Variants in MDH2 observed in about 807,000 individuals in gnomAD.
The protein encoded by MDH2 is malate dehydrogenase, mitochondrial.
In MDH2, 25 loss-of-function variants were observed where a neutral mutation model predicts 33.6. The observed-to-expected ratio is 0.74, with a 90% CI of 0.54 to 1.04. The LOEUF (loss-of-function observed/expected upper bound fraction) is 1.04, where lower values mean the gene tolerates loss of function less well. Ranked by LOEUF, MDH2 falls within the 50% of genes least tolerant of loss-of-function variation. The pLI is 0.00. For missense variants in MDH2, 432 were observed against 445.0 expected (o/e 0.97, Z 0.26); for synonymous variants, 193 against 188.7 (o/e 1.02, Z -0.19).
Position 76,058,034 on chromosome 7 carries a change from G to C in MDH2, c.385G>C (p.Ala129Pro). The C allele has an allele frequency of 6.2e-7, 1 of 1,613,824 alleles. No individual in the cohort carries two copies. Among genetic ancestry groups the C allele is most frequent in the South Asian group, 1.1e-5 (1 of 91,086 alleles). The change falls in exon 4 of 9, where the codon GCC becomes CCC. Residue 129 changes from alanine (A) to proline (P), a missense_variant. Ala to Pro is a conservative substitution (Grantham distance 27, BLOSUM62 -1). Transcript: ENST00000315758. ...TIVATLTAAC[A>P]QHCPEAMICV... ...TGTGGCCACCCTGACCGCTGCCTGTGCCCAGCACTGCCCGGAAGCCATGAT... is the reference window on the plus strand; with the variant it reads ...TGTGGCCACCCTGACCGCTGCCTGTCCCCAGCACTGCCCGGAAGCCATGAT...
chr7:76,050,755 A>G (rs782671962), intron 1 of MDH2, among the ~76,000 whole-genome samples: 53 of 152,180 alleles, frequency 3.5e-4, no homozygotes, highest in African/African-American at 1.3e-3. Context: ...TGGTACCAGA[A>G]GGATTTGCTG....
intron 5 of MDH2, 79 bp from the exon 6 acceptor site, chr7:76,063,436 T>C (rs1798006477): frequency 7.1e-7 from 1 of 1,411,514 alleles, no homozygotes; most frequent in African/African-American, 1.4e-5. Context: ...TTTTCCAGTG[T>C]TGGGGCTGTG....
chr7:76,064,437 A>C lies in MDH2; in HGVS notation c.732A>C (p.Ala244=), dbSNP rs781921799. 1 of 1,611,702 alleles carries C rather than the reference A, an allele frequency of 6.2e-7. No homozygotes were observed. The highest frequency in any genetic ancestry group is 2.2e-5 in the East Asian group (1 of 44,792). Residue 244 remains alanine (A), a splice_region_variant and synonymous_variant, in exon 7 of 9, where the codon GCA becomes GCC. Transcript: ENST00000315758. ...AGGTGGTCAAGGCTAAAGCCGGAGCAGGTAGAGTCTCAGGCAGCCCCGGGG... is the reference window on the plus strand; with the variant it reads ...AGGTGGTCAAGGCTAAAGCCGGAGCCGGTAGAGTCTCAGGCAGCCCCGGGG... ...GTEVVKAKAG[A]GSATLSMAYA... is the part of the protein sequence containing the mutation.
chr7:76,052,028 C>G (rs1360917877), intron 1 of MDH2, among the ~76,000 whole-genome samples: 1 of 152,136 alleles, frequency 6.6e-6, no homozygotes, highest in African/African-American at 2.4e-5. Context: ...GTGACATCAC[C>G]TTGACAAAGT....
chr7:76,058,068 T>C lies in MDH2; in HGVS notation c.419T>C (p.Ile140Thr), dbSNP rs1797837952. The stretch of plus-strand genomic sequence containing the variant: ...TGCCCGGAAGCCATGATCTGCGTCA[T>C]TGCCAATCCGGTGAGTGTGGCAGCA... ...QHCPEAMICVIANPVNSTIPI... is the reference protein window; with the variant it reads ...QHCPEAMICVTANPVNSTIPI... The change falls in exon 4 of 9, where the codon ATT becomes ACT. Residue 140 changes from isoleucine (I) to threonine (T), a missense_variant. Coordinates refer to ENST00000315758, the MANE Select transcript of MDH2 (RefSeq NM_005918.4). 2 of 1,612,850 alleles carry C rather than the reference T, an allele frequency of 1.2e-6. No homozygotes were observed. The highest frequency in any genetic ancestry group is 1.6e-4 in the Middle Eastern group (1 of 6,082).
intron 1 of MDH2, among the ~76,000 whole-genome samples, chr7:76,050,326 A>G (rs1797582682): frequency 6.6e-6 from 1 of 152,244 alleles, no homozygotes; most frequent in African/African-American, 2.4e-5. Context: ...CACCACTCCC[A>G]GCCGAGGGTA....
At position 76,058,018 on chromosome 7, in the gene MDH2, C is replaced by A. The variant is rs782092321; in HGVS notation, c.369C>A (p.Thr123=). Residue 123 remains threonine (T), a synonymous_variant, in exon 4 of 9, where the codon ACC becomes ACA. Coordinates refer to ENST00000315758, the MANE Select transcript of MDH2 (RefSeq NM_005918.4). ...ACACCAATGCCACGATTGTGGCCACCCTGACCGCTGCCTGTGCCCAGCACT... is the reference window on the plus strand; with the variant it reads ...ACACCAATGCCACGATTGTGGCCACACTGACCGCTGCCTGTGCCCAGCACT... The part of the protein sequence containing the change: ...LFNTNATIVA[T]LTAACAQHCP... 1 of 1,614,014 alleles carries A rather than the reference C, an allele frequency of 6.2e-7. No homozygotes were observed. Among genetic ancestry groups the A allele is most frequent in the Non-Finnish European group, 8.5e-7 (1 of 1,180,036 alleles).
intron 7 of MDH2, 59 bp downstream of exon 7, chr7:76,064,497 T>C (rs1489365350): frequency 4.9e-6 from 7 of 1,421,502 alleles, no homozygotes; most frequent in Non-Finnish European, 6.8e-6. Flanking sequence ...GAGCTCAGGG[T>C]TGGGGAGAAA....
intron 5 of MDH2, among the ~76,000 whole-genome samples, chr7:76,060,939 A>G (rs934076005): frequency 6.6e-6 from 1 of 151,830 alleles, no homozygotes; most frequent in Non-Finnish European, 1.5e-5. Context: ...GTCCTGAGGT[A>G]TCAGAATTGT....
chr7:76,056,908 G>A (rs1039898066), intron 2 of MDH2, among the ~76,000 whole-genome samples: 3 of 152,100 alleles, frequency 2.0e-5, no homozygotes, highest in East Asian at 1.9e-4. Context: ...AGCTACTGAG[G>A]AGGCTGAAAC....
At position 76,048,118 on chromosome 7, in the gene MDH2, C is replaced by T; in HGVS notation, c.-43C>T. On this transcript the variant is annotated 5_prime_UTR_variant, in exon 1 of 9. Coordinates refer to ENST00000315758, the MANE Select transcript of MDH2 (RefSeq NM_005918.4). ...GGTCGTTGGAGTCACTTCCCCGTCA[C>T]CAGCTCCTGTGCCTGCCAGTCGGTG... 1 of 1,536,562 alleles carries T rather than the reference C, an allele frequency of 6.5e-7. No individual in the cohort carries two copies. Among genetic ancestry groups the T allele is most frequent in the East Asian group, 2.4e-5 (1 of 40,898 alleles).
Position 76,057,404 on chromosome 7 carries a change from T to C in MDH2, c.236-6T>C. The C allele has an allele frequency of 6.2e-7, 1 of 1,614,170 alleles. No individual in the cohort carries two copies. Among genetic ancestry groups the C allele is most frequent in the Non-Finnish European group, 8.5e-7 (1 of 1,180,032 alleles). On this transcript the variant is annotated splice_region_variant and splice_polypyrimidine_tract_variant and intron_variant, in intron 2 of 8. Transcript: ENST00000315758. ...TGACATTTCTCTTGTGGGGTGTTTGTTCTAGGCTACCTCGGACCTGAACAG... is the reference window on the plus strand; with the variant it reads ...TGACATTTCTCTTGTGGGGTGTTTGCTCTAGGCTACCTCGGACCTGAACAG...
chr7:76,053,546 C>G (rs1253087186), intron 1 of MDH2, among the ~76,000 whole-genome samples: 1 of 152,188 alleles, frequency 6.6e-6, no homozygotes, highest in African/African-American at 2.4e-5. Context: ...ATTTCCTGAG[C>G]AGAAACCCAC....
chr7:76,064,623 T>C (rs1234988689), intron 7 of MDH2, among the ~76,000 whole-genome samples, 179 bp from the exon 8 acceptor site: 2 of 152,218 alleles, frequency 1.3e-5, no homozygotes, highest in African/African-American at 4.8e-5. Flanking sequence ...AGAGTCATTT[T>C]TGAGGGTGGC....
intron 1 of MDH2, 48 bp downstream of exon 1, chr7:76,048,274 G>A: frequency 6.6e-7 from 1 of 1,517,168 alleles, no homozygotes; most frequent in Admixed American, 2.0e-5. Context: ...CCCGGCCCGG[G>A]CCACGTGCGT....
At position 76,065,078 on chromosome 7, in the gene MDH2, G is replaced by C. The variant is rs1196528661; in HGVS notation, c.885+125G>C. 3 of 1,155,240 alleles carry C rather than the reference G, an allele frequency of 2.6e-6. No homozygotes were observed. The African/African-American group carries it at 4.6e-5, about 18-fold the overall frequency. 71.6% of individuals were successfully genotyped at this position (1,155,240 alleles called of 1,614,324 possible). On this transcript the variant is annotated intron_variant, in intron 8 of 8. Coordinates refer to ENST00000315758, the MANE Select transcript of MDH2 (RefSeq NM_005918.4). The stretch of plus-strand genomic sequence containing the variant: ...ATGTGCCTGCCTGGCGAGTGCTGTT[G>C]TTTTCAAGGGTGGACGCACACCCGA...
chr7:76,062,948 C>T (rs782129425), intron 5 of MDH2, among the ~76,000 whole-genome samples: 1 of 152,132 alleles, frequency 6.6e-6, no homozygotes, highest in African/African-American at 2.4e-5. Flanking sequence ...GGTGTGGTAC[C>T]TCCAGTTTAA....
At chr7:76,048,569 T>A in intron 1 of MDH2, 8 of 1,315,574 alleles carry the variant, frequency 6.1e-6, no homozygotes, top group Non-Finnish European at 6.8e-6. Context: ...TACGTTTTTT[T>A]CTGCAGCGTT....
chr7:76,054,538 G>A, intron 1 of MDH2: 1 of 399,130 alleles, frequency 2.5e-6, no homozygotes, highest in South Asian at 2.6e-5. Flanking sequence ...GAAGGCTGCT[G>A]TTACCAGTCC....
Sources: allele counts gnomAD v4.1 joint callset (sites outside exome capture counted in the v4.1 genomes callset), GRCh38; gene constraint gnomAD v4.1.1; transcripts MANE v1.5; gene names NCBI Gene and HGNC (gene_info 2026-07-23, HGNC 2026-07-21).